The following NBAS variants were observed in gnomAD, a reference collection of about 807,000 sequenced individuals.
The protein encoded by NBAS is NAG/BC035112 fusion.
NBAS carries 219 observed loss-of-function variants against 302.5 expected under a neutral mutation model. That is an observed-to-expected ratio of 0.72 (90% CI 0.65 to 0.81). The LOEUF is 0.81. Ranked by LOEUF, NBAS falls within the 30% of genes least tolerant of loss-of-function variation. The pLI is 0.00. For missense variants in NBAS, 2,932 were observed against 2,841.6 expected, an observed-to-expected ratio of 1.03 and a Z score of -0.72; for synonymous variants, 1,118 against 1,021.6, an observed-to-expected ratio of 1.09 and a Z score of -1.80.
chr2:15,223,599 G>T (rs1165038036), intron 47 of NBAS, among the ~76,000 whole-genome samples: 1 of 152,024 alleles, frequency 6.6e-6, no homozygotes, highest in Non-Finnish European at 1.5e-5. Flanking sequence ...GGGAGGCTGA[G>T]GCAGGCAGAA....
intron 21 of NBAS, among the ~76,000 whole-genome samples, chr2:15,453,199 A>C (rs1004920769): frequency 7.9e-5 from 12 of 152,336 alleles, no homozygotes; most frequent in African/African-American, 2.9e-4. Flanking sequence ...GGCAGAGAGC[A>C]CAAAAGGAAC....
intron 9 of NBAS, among the ~76,000 whole-genome samples, chr2:15,532,663 C>T (rs115976122): frequency 6.6e-6 from 1 of 151,776 alleles, no homozygotes; most frequent in Non-Finnish European, 1.5e-5. Context: ...TCAAGAAGTA[C>T]AATGTAAGCT....
chr2:15,188,638 G>A (rs1413120504), intron 49 of NBAS, among the ~76,000 whole-genome samples: 1 of 152,196 alleles, frequency 6.6e-6, no homozygotes. Context: ...CATTTCATAT[G>A]TGGCTACAAA....
chr2:14,783,636 C>A, the NBAS span, among the ~76,000 whole-genome samples: 6 of 151,702 alleles, frequency 4.0e-5, no homozygotes, highest in South Asian at 1.3e-3. Context: ...CATGTCCCTA[C>A]AAAGGACATG....
At chr2:15,164,389 A>G (rs1413345058), downstream of NBAS, among the ~76,000 whole-genome samples, 3 of 152,230 alleles carry the variant, frequency 2.0e-5, no homozygotes, top group Non-Finnish European at 2.9e-5. Context: ...TGGTTCCATT[A>G]CTTACCAGCT....
intron 6 of NBAS, among the ~76,000 whole-genome samples, chr2:15,547,318 A>T (rs1042797424): frequency 6.6e-6 from 1 of 152,212 alleles, no homozygotes; most frequent in Non-Finnish European, 1.5e-5. Flanking sequence ...ATCATTTGGC[A>T]TATGGGAGTT....
intron 38 of NBAS, among the ~76,000 whole-genome samples, chr2:15,319,164 A>T (rs1671665369): frequency 6.6e-6 from 1 of 152,196 alleles, no homozygotes; most frequent in South Asian, 2.1e-4. Context: ...TACATAACGA[A>T]ATGAAGGCAG....
intron 38 of NBAS, among the ~76,000 whole-genome samples, chr2:15,317,965 A>G (rs779806682): frequency 8.5e-5 from 13 of 152,218 alleles, no homozygotes; most frequent in Admixed American, 2.0e-4. Context: ...CCAAGGTTGA[A>G]ATAAAGGAAA....
intron 48 of NBAS, among the ~76,000 whole-genome samples, chr2:15,208,985 A>G (rs1666278047): frequency 6.6e-6 from 1 of 152,172 alleles, no homozygotes; most frequent in African/African-American, 2.4e-5. Context: ...TGAAGAAAAC[A>G]ACATAAAAGA....
intron 48 of NBAS, among the ~76,000 whole-genome samples, chr2:15,213,090 G>A (rs1364597189): frequency 6.6e-6 from 1 of 152,142 alleles, no homozygotes; most frequent in Non-Finnish European, 1.5e-5. Flanking sequence ...CAATTGTATT[G>A]TGTTATTATT....
chr2:15,493,065 C>T (rs1200623808), intron 11 of NBAS, among the ~76,000 whole-genome samples: 1 of 152,186 alleles, frequency 6.6e-6, no homozygotes, highest in Non-Finnish European at 1.5e-5. Context: ...TGTTCTCATG[C>T]TAGTGAGTTC....
intron 11 of NBAS, among the ~76,000 whole-genome samples, chr2:15,492,309 A>G (rs1475388391): frequency 3.3e-5 from 5 of 152,156 alleles, no homozygotes; most frequent in African/African-American, 1.2e-4. Flanking sequence ...CAAGTTATCT[A>G]TTGAACGTTC....
the NBAS span, among the ~76,000 whole-genome samples, chr2:15,040,755 G>A: frequency 6.6e-6 from 1 of 152,144 alleles, no homozygotes; most frequent in African/African-American, 2.4e-5. Flanking sequence ...GGCCTTCACA[G>A]GGGCTGCTCT....
intron 35 of NBAS, among the ~76,000 whole-genome samples, chr2:15,333,083 A>G (rs1672425361): frequency 6.6e-6 from 1 of 152,242 alleles, no homozygotes; most frequent in Non-Finnish European, 1.5e-5. Flanking sequence ...AGGTATTAAC[A>G]CATATAGAGT....
the NBAS span, among the ~76,000 whole-genome samples, chr2:14,957,216 T>C: frequency 6.6e-6 from 1 of 152,164 alleles, no homozygotes; most frequent in Non-Finnish European, 1.5e-5. Flanking sequence ...AGAGAGCTAT[T>C]TGGGAGGCAC....
the NBAS span, among the ~76,000 whole-genome samples, chr2:15,068,966 G>A: frequency 4.5e-4 from 69 of 152,236 alleles, no homozygotes; most frequent in African/African-American, 1.4e-3. Context: ...CCGAGGCAGC[G>A]CAGGGCCTCA....
chr2:14,887,481 C>T, the NBAS span, among the ~76,000 whole-genome samples: 5 of 151,226 alleles, frequency 3.3e-5, no homozygotes, highest in African/African-American at 4.9e-5. Context: ...ATGAGAAATA[C>T]GAGGCAGGGA....
At chr2:15,549,891 A>G (rs984716224) in intron 6 of NBAS, among the ~76,000 whole-genome samples, 1 of 151,406 alleles carries the variant, frequency 6.6e-6, no homozygotes, top group Middle Eastern at 3.5e-3. Flanking sequence ...AGTGGCTCAC[A>G]CCTATAATCC....
intron 38 of NBAS, among the ~76,000 whole-genome samples, chr2:15,314,263 TGAGA>T (rs2148178885): frequency 6.6e-6 from 1 of 152,054 alleles, no homozygotes; most frequent in East Asian, 1.9e-4. Flanking sequence ...GGCTGACGCA[TGAGA>T]ATTGCTTGAA....
Sources: gnomAD v4.1 joint callset for allele counts (sites outside exome capture counted in the v4.1 genomes callset) on GRCh38, gnomAD v4.1.1 for gene constraint, MANE v1.5 for transcripts, NCBI Gene and HGNC (gene_info 2026-07-23, HGNC 2026-07-21) for gene names.